The following ZNF254 variants were observed in gnomAD, a reference collection of about 807,000 sequenced individuals.
The protein encoded by ZNF254 is CTD-2017D11.1.
Under a neutral mutation model 12.4 loss-of-function variants are expected in ZNF254, and 10 were observed. The ratio of observed to expected loss-of-function variants is 0.80; its 90% CI spans 0.50 to 1.36. ZNF254 has a LOEUF of 1.36. Ranked by LOEUF, ZNF254 falls within the 40% of genes most tolerant of loss-of-function variation. The pLI is 0.00. For synonymous variants in ZNF254, 305 were observed against 253.4 expected (o/e 1.20, Z -1.93); for missense variants, 996 against 763.9 (o/e 1.30, Z -3.58).
intron 2 of ZNF254, chr19:24,067,030 A>T (rs1971301314): frequency 6.6e-6 from 1 of 152,076 alleles, no homozygotes; most frequent in South Asian, 2.1e-4. Flanking sequence ...CGTATAGCTA[A>T]TTTTTTTCTT....
At chr19:24,100,397 A>G (rs1214123598) in intron 1 of ZNF254, among the ~76,000 whole-genome samples, 2 of 152,086 alleles carry the variant, frequency 1.3e-5, no homozygotes, top group Non-Finnish European at 2.9e-5. Flanking sequence ...TGAAAAAAAA[A>G]AAAAAAAAAT....
chr19:24,062,274 T>C (rs1368844292), intron 2 of ZNF254, among the ~76,000 whole-genome samples: 1 of 152,088 alleles, frequency 6.6e-6, no homozygotes, highest in Non-Finnish European at 1.5e-5. Flanking sequence ...TCCTGCCAGT[T>C]TTTAGGATTG....
At chr19:24,089,586 G>A (rs1413403077) in intron 1 of ZNF254, among the ~76,000 whole-genome samples, 3 of 152,128 alleles carry the variant, frequency 2.0e-5, no homozygotes, top group Non-Finnish European at 4.4e-5. Context: ...TGCTTAGAGT[G>A]TCTAGTAAAT....
At chr19:24,075,576 C>T (rs184517316) in intron 2 of ZNF254, among the ~76,000 whole-genome samples, 7 of 152,002 alleles carry the variant, frequency 4.6e-5, no homozygotes, top group East Asian at 3.9e-4. Context: ...GCTTCAAAGG[C>T]GATAAAATAT....
At chr19:24,123,562 C>T (rs1445401577) in intron 3 of ZNF254, among the ~76,000 whole-genome samples, 1 of 151,808 alleles carries the variant, frequency 6.6e-6, no homozygotes, top group African/African-American at 2.4e-5. Flanking sequence ...TCAATATTTG[C>T]TTTATATATT....
chr19:24,088,639 TTTTATTTA>T (rs901585425), intron 1 of ZNF254, among the ~76,000 whole-genome samples: 2 of 152,028 alleles, frequency 1.3e-5, no homozygotes, highest in Non-Finnish European at 2.9e-5. Context: ...CTGTTTTAAT[TTTTATTTA>T]TTTATTTATT....
At chr19:24,091,771 G>A (rs1363150183) in intron 1 of ZNF254, 10 of 832,908 alleles carry the variant, frequency 1.2e-5, no homozygotes, top group Non-Finnish European at 1.4e-5. Context: ...GGGATTACAG[G>A]TGTGAGCCAC....
chr19:24,122,042 C>T (rs574113066), intron 3 of ZNF254, among the ~76,000 whole-genome samples: 2 of 152,042 alleles, frequency 1.3e-5, no homozygotes, highest in East Asian at 1.9e-4. Flanking sequence ...ACTCCCATAA[C>T]TCTGTATCTC....
At chr19:24,073,965 T>TTAGATCATGACACATCACTAGACCCAACA (rs1309545339) in intron 2 of ZNF254, among the ~76,000 whole-genome samples, 13 of 152,316 alleles carry the variant, frequency 8.5e-5, no homozygotes, top group Admixed American at 5.2e-4. Context: ...AGCCCACAGA[T>TTAGATCATGACACATCACTAGACCCAACA]TAGATCATGA....
In ZNF254 at chr19:24,048,253, A is replaced by C. The variant is rs1363647208; in HGVS notation, c.-94+1974A>C. 3.3e-5 allele frequency among the ~76,000 whole-genome samples: 5 copies of C among 152,068 alleles called. No individual in the cohort carries two copies. In the East Asian group the frequency reaches 9.7e-4, roughly 29 times the overall value. On this transcript the variant is annotated intron_variant, in intron 2 of 4. Coordinates refer to the ZNF254 transcript ENST00000613065. The stretch of plus-strand genomic sequence containing the variant: ...GATTCAAAGCTTAGGAAGGAAGGTC[A>C]GCAGACTTAGAGGCCGGCCACTGAG...
intron 1 of ZNF254, among the ~76,000 whole-genome samples, chr19:24,038,902 C>T (rs903452216): frequency 2.6e-5 from 4 of 152,338 alleles, no homozygotes; most frequent in Middle Eastern, 3.4e-3. Flanking sequence ...CCTGAAAACT[C>T]AACCAGGTTC....
At chr19:24,061,625 C>A (rs1971070088) in intron 2 of ZNF254, among the ~76,000 whole-genome samples, 1 of 152,186 alleles carries the variant, frequency 6.6e-6, no homozygotes, top group Non-Finnish European at 1.5e-5. Context: ...AATTACATAT[C>A]ATTTGCCCAG....
At chr19:24,082,199 T>G (rs1264109046), upstream of ZNF254, among the ~76,000 whole-genome samples, 1 of 151,948 alleles carries the variant, frequency 6.6e-6, no homozygotes, top group Non-Finnish European at 1.5e-5. Context: ...CACAAACCCT[T>G]GTGGCAGAGC....
In ZNF254 at chr19:24,128,875, T is replaced by A. The variant is rs1975067080; in HGVS notation, c.*895T>A. ...AGAATATTTTTTGGAGGGTTATAAT[T>A]ACATTCAAAGTACTTTTTTTTGAAA... On this transcript the variant is annotated 3_prime_UTR_variant, in exon 4 of 4. Transcript: ENST00000357002. 6.6e-6 allele frequency: 1 copy of A among 152,090 alleles called. No individual in the cohort carries two copies. The highest frequency in any genetic ancestry group is 2.4e-5 in the African/African-American group (1 of 41,466). The allele number at this position is 152,090 out of a possible 1,614,324, so 9.4% of individuals were successfully genotyped here. A position where few individuals can be genotyped will look rare whatever the true frequency, so the allele number is the denominator to read the frequency against.
intron 2 of ZNF254, among the ~76,000 whole-genome samples, chr19:24,076,547 G>T (rs1273935550): frequency 1.3e-5 from 2 of 152,148 alleles, no homozygotes; most frequent in Non-Finnish European, 1.5e-5. Context: ...AGCCCAGTAG[G>T]TCTCAGCCTC....
At chr19:24,122,038 A>G (rs187909268) in intron 3 of ZNF254, among the ~76,000 whole-genome samples, 1 of 152,312 alleles carries the variant, frequency 6.6e-6, no homozygotes. Flanking sequence ...TAAAACTCCC[A>G]TAACTCTGTA....
chr19:24,043,237 A>C (rs1246278874), intron 1 of ZNF254, among the ~76,000 whole-genome samples: 1 of 152,096 alleles, frequency 6.6e-6, no homozygotes, highest in Non-Finnish European at 1.5e-5. Context: ...AAAATCTAAA[A>C]TATAACATGG....
At chr19:24,061,432 T>C (rs1971061506) in intron 2 of ZNF254, among the ~76,000 whole-genome samples, 1 of 152,178 alleles carries the variant, frequency 6.6e-6, no homozygotes, top group Admixed American at 6.5e-5. Flanking sequence ...ACATAAAAGA[T>C]GTGATGCCTT....
intron 1 of ZNF254, chr19:24,098,329 T>C (rs574511511): frequency 6.6e-6 from 1 of 152,322 alleles, no homozygotes; most frequent in South Asian, 2.1e-4. Flanking sequence ...AGGCAAGTGA[T>C]GTGGCCATCC....
Sources: allele counts gnomAD v4.1 joint callset (sites outside exome capture counted in the v4.1 genomes callset), GRCh38; gene constraint gnomAD v4.1.1; transcripts MANE v1.5; gene names NCBI Gene and HGNC (gene_info 2026-07-23, HGNC 2026-07-21).